RBFOX1: variants seen among roughly 807,000 people sequenced by gnomAD.
RBFOX1 encodes RNA binding fox-1 homolog 1.
A neutral mutation model predicts 57.7 loss-of-function variants in RBFOX1; 8 were observed. The ratio of observed to expected loss-of-function variants is 0.14; its 90% CI spans 0.08 to 0.25. The LOEUF (loss-of-function observed/expected upper bound fraction) is 0.25. Among genes scored for constraint, RBFOX1 ranks in the 10% least tolerant of loss-of-function variants. The probability of loss-of-function intolerance (pLI) is 1.00; values close to 1 mark genes in which losing one functional copy is unlikely to be tolerated. For synonymous variants in RBFOX1, 326 were observed against 222.4 expected, an observed-to-expected ratio of 1.47 and a Z score of -4.15; for missense variants, 611 against 548.5, an observed-to-expected ratio of 1.11 and a Z score of -1.14.
intron 4 of RBFOX1, among the ~76,000 whole-genome samples, chr16:7,448,051 A>G (rs867443076): frequency 3.3e-5 from 5 of 152,196 alleles, no homozygotes; most frequent in African/African-American, 4.8e-5. Flanking sequence ...AAGTTGTAAA[A>G]CAACTGACTA....
intron 3 of RBFOX1, among the ~76,000 whole-genome samples, chr16:6,851,237 G>C (rs2094043903): frequency 6.6e-6 from 1 of 152,134 alleles, no homozygotes; most frequent in Non-Finnish European, 1.5e-5. Flanking sequence ...TAAAATTCTA[G>C]ATATAGAGAA....
At chr16:7,680,377 G>A (rs545092154) in intron 14 of RBFOX1, among the ~76,000 whole-genome samples, 1 of 152,156 alleles carries the variant, frequency 6.6e-6, no homozygotes, top group Admixed American at 6.6e-5. Context: ...TCCCCAGACA[G>A]ACAGACATTT....
chr16:6,612,480 A>T (rs1005456287), intron 2 of RBFOX1, among the ~76,000 whole-genome samples: 1 of 152,194 alleles, frequency 6.6e-6, no homozygotes, highest in Non-Finnish European at 1.5e-5. Context: ...TTACAGCACA[A>T]ACTACTTTTA....
At chr16:6,149,331 A>T (rs1467179027) in intron 1 of RBFOX1, among the ~76,000 whole-genome samples, 1 of 152,246 alleles carries the variant, frequency 6.6e-6, no homozygotes, top group Non-Finnish European at 1.5e-5. Flanking sequence ...GTCCTTGGGC[A>T]AGTAACTTAA....
At chr16:6,797,713 G>C (rs902872171) in intron 3 of RBFOX1, among the ~76,000 whole-genome samples, 1 of 152,124 alleles carries the variant, frequency 6.6e-6, no homozygotes, top group African/African-American at 2.4e-5. Flanking sequence ...AGGCATTAAA[G>C]TTCTGGTGTT....
At chr16:7,682,972 C>T (rs1410215188) in intron 14 of RBFOX1, among the ~76,000 whole-genome samples, 1 of 33,782 alleles carries the variant, frequency 3.0e-5, no homozygotes, top group Non-Finnish European at 5.8e-5. Flanking sequence ...AGCACACATG[C>T]CAGATAAATT....
At chr16:7,379,608 A>G (rs1208344444) in intron 4 of RBFOX1, among the ~76,000 whole-genome samples, 1 of 152,202 alleles carries the variant, frequency 6.6e-6, no homozygotes, top group Non-Finnish European at 1.5e-5. Flanking sequence ...AATTCAGGAT[A>G]TTGTCTGTTG....
intron 2 of RBFOX1, among the ~76,000 whole-genome samples, chr16:5,552,093 C>G (rs7200483): frequency 0.38 from 57,677 of 151,922 alleles, 11,281 homozygotes; most frequent in Non-Finnish European, 0.42. Context: ...GTCGTGTTAC[C>G]GTGAAATTGA....
chr16:7,002,265 C>G (rs906594628), intron 3 of RBFOX1, among the ~76,000 whole-genome samples: 3 of 152,186 alleles, frequency 2.0e-5, no homozygotes, highest in Admixed American at 1.3e-4. Context: ...GTTAATCTAT[C>G]TACTTTGGAA....
At chr16:6,637,677 A>G (rs1464654575) in intron 2 of RBFOX1, among the ~76,000 whole-genome samples, 1 of 150,834 alleles carries the variant, frequency 6.6e-6, no homozygotes, top group African/African-American at 2.4e-5. Context: ...TGGGAGCCAG[A>G]TGATGAAGTG....
intron 3 of RBFOX1, among the ~76,000 whole-genome samples, chr16:6,749,640 T>C (rs1461133328): frequency 6.6e-6 from 1 of 152,108 alleles, no homozygotes; most frequent in African/African-American, 2.4e-5. Flanking sequence ...TCTCCTGGAG[T>C]GTCTCTCCTA....
intron 4 of RBFOX1, among the ~76,000 whole-genome samples, chr16:7,142,986 A>G (rs1287875832): frequency 6.6e-6 from 1 of 151,896 alleles, no homozygotes. Flanking sequence ...TATGACTCCA[A>G]AATTGGGACT....
chr16:5,687,310 G>A (rs953582065), intron 3 of RBFOX1, among the ~76,000 whole-genome samples: 4 of 152,072 alleles, frequency 2.6e-5, no homozygotes, highest in African/African-American at 7.2e-5. Context: ...GTAGTGTGTG[G>A]ACCGAGAGAG....
At chr16:7,297,971 A>G (rs542581473) in intron 4 of RBFOX1, among the ~76,000 whole-genome samples, 2 of 152,252 alleles carry the variant, frequency 1.3e-5, no homozygotes, top group South Asian at 2.1e-4. Context: ...GTGGATGTCT[A>G]TATGCATCCA....
At chr16:7,046,381 C>T (rs564293951) in intron 3 of RBFOX1, among the ~76,000 whole-genome samples, 3 of 152,180 alleles carry the variant, frequency 2.0e-5, no homozygotes, top group South Asian at 2.1e-4. Flanking sequence ...CTACAAGACT[C>T]AGTATTTTGC....
chr16:7,339,909 C>T (rs9939377), intron 4 of RBFOX1, among the ~76,000 whole-genome samples: 41,373 of 152,146 alleles, frequency 0.27, 6,551 homozygotes, highest in African/African-American at 0.44. Flanking sequence ...GTTATCTCTA[C>T]TTGATCCTCA....
At position 7,293,457 on chromosome 16, in the gene RBFOX1, C is replaced by G. The variant is rs147453490; in HGVS notation, c.28-224690C>G. ...AAATGAGAATCACATCTTCCATTCT[C>G]TCTGCCACCATCTTCATGTCTGCTC... On this transcript the variant is annotated intron_variant, in intron 4 of 15. Coordinates refer to ENST00000550418, the MANE Select transcript of RBFOX1 (RefSeq NM_018723.4). Among the ~76,000 whole-genome samples the G allele has an allele frequency of 3.7e-3, 557 of 152,280 alleles. 2 individuals carry two copies. The highest frequency in any genetic ancestry group is 6.1e-3 in the Non-Finnish European group (415 of 68,030).
In RBFOX1 at chr16:6,575,910, C is replaced by T. The variant is rs548515876; in HGVS notation, c.-63-78693C>T. On this transcript the variant is annotated intron_variant, in intron 2 of 15. Transcript: ENST00000550418. The stretch of plus-strand genomic sequence containing the variant: ...ATAAATAAATAAAGATTAATAAAAA[C>T]ATGCAAGATAATTTAGCCAGTTTTT... 1.6e-4 allele frequency among the ~76,000 whole-genome samples: 24 copies of T among 147,970 alleles called. No individual in the cohort carries two copies. The East Asian group carries it at 3.3e-3, about 20-fold the overall frequency.
chr16:6,977,718 T>C (rs9940176), intron 3 of RBFOX1, among the ~76,000 whole-genome samples: 6,059 of 151,882 alleles, frequency 0.04, 404 homozygotes, highest in African/African-American at 0.14. Context: ...TGAATTGAAA[T>C]TGTGGGTGGA....
Sources: gnomAD v4.1 joint callset for allele counts (sites outside exome capture counted in the v4.1 genomes callset) on GRCh38, gnomAD v4.1.1 for gene constraint, MANE v1.5 for transcripts, NCBI Gene and HGNC (gene_info 2026-07-23, HGNC 2026-07-21) for gene names.